TMTC1: variants seen among roughly 807,000 people sequenced by gnomAD.
TMTC1 encodes transmembrane O-mannosyltransferase targeting cadherins 1.
In TMTC1, 73 loss-of-function variants were observed where a neutral mutation model predicts 104.8. The observed-to-expected ratio is 0.70, with a 90% CI of 0.58 to 0.85. The LOEUF (loss-of-function observed/expected upper bound fraction) is 0.85, where lower values mean the gene tolerates loss of function less well. Among genes scored for constraint, TMTC1 ranks in the 40% least tolerant of loss-of-function variants. TMTC1 has a pLI of 0.00. For synonymous variants in TMTC1, 434 were observed against 428.7 expected (o/e 1.01, Z -0.15); for missense variants, 1,035 against 1,096.1 (o/e 0.94, Z 0.79).
intron 5 of TMTC1, among the ~76,000 whole-genome samples, chr12:29,672,558 C>A (rs539834990): frequency 6.7e-6 from 1 of 150,106 alleles, no homozygotes; most frequent in Admixed American, 6.6e-5. Context: ...CAATTTAGGG[C>A]AGAGAGAGGA....
chr12:29,535,569 G>C (rs1293380686), intron 11 of TMTC1: 1 of 152,162 alleles, frequency 6.6e-6, no homozygotes, highest in Non-Finnish European at 1.5e-5. Flanking sequence ...TAATTTTATG[G>C]TAGCAGAATC....
intron 5 of TMTC1, among the ~76,000 whole-genome samples, chr12:29,722,547 A>C (rs1404544148): frequency 6.6e-6 from 1 of 152,218 alleles, no homozygotes; most frequent in Non-Finnish European, 1.5e-5. Flanking sequence ...TATAAAGGTT[A>C]AAAAGAAAGA....
At position 29,506,743 on chromosome 12, in the gene TMTC1, A is replaced by G; in HGVS notation, c.*103T>C. 7.0e-7 allele frequency: 1 copy of G among 1,429,516 alleles called. No individual in the cohort carries two copies. The highest frequency in any genetic ancestry group is 9.7e-7 in the Non-Finnish European group (1 of 1,026,486). The allele number at this position is 1,429,516 out of a possible 1,614,324, so 88.6% of individuals were successfully genotyped here. A position where few individuals can be genotyped will look rare whatever the true frequency, so the allele number is the denominator to read the frequency against. ...TGTCACCCTGAACTCGGAATGAGAG[A>G]AAATCTCATTAGTTGTGCCCCTGCT... On this transcript the variant is annotated 3_prime_UTR_variant, in exon 18 of 18. Coordinates refer to ENST00000539277, the MANE Select transcript of TMTC1 (RefSeq NM_001193451.2).
rs1475714128 is a variant in TMTC1 at position 29,530,052 on chromosome 12, CT to C, written c.1785+6156del. The stretch of plus-strand genomic sequence containing the variant: ...CACATTTGCATATAATTGCAGCTTC[CT>C]GATACTTTAGACTTTTCTCATGCCA... On this transcript the variant is annotated intron_variant, in intron 11 of 17. Coordinates refer to ENST00000539277, the MANE Select transcript of TMTC1 (RefSeq NM_001193451.2). 4 of 152,310 alleles carry C rather than the reference CT, an allele frequency of 2.6e-5. No homozygotes were observed. In the East Asian group the frequency reaches 7.7e-4, roughly 29 times the overall value. 9.4% of individuals were successfully genotyped at this position (152,310 alleles called of 1,614,324 possible). A position where few individuals can be genotyped will look rare whatever the true frequency, so the allele number is the denominator to read the frequency against.
intron 7 of TMTC1, among the ~76,000 whole-genome samples, chr12:29,590,097 A>T (rs945457912): frequency 6.6e-6 from 1 of 152,092 alleles, no homozygotes; most frequent in Non-Finnish European, 1.5e-5. Context: ...CATCCACACC[A>T]TGTAAACAAA....
intron 11 of TMTC1, among the ~76,000 whole-genome samples, chr12:29,523,095 C>T (rs745347312): frequency 3.9e-5 from 6 of 152,320 alleles, no homozygotes; most frequent in Non-Finnish European, 5.9e-5. Flanking sequence ...TAAACAGTTA[C>T]ACTTTTGGGT....
intron 5 of TMTC1, among the ~76,000 whole-genome samples, chr12:29,678,870 T>C (rs763729175): frequency 1.1e-4 from 16 of 152,102 alleles, no homozygotes; most frequent in Non-Finnish European, 2.2e-4. Flanking sequence ...ATCATGGACT[T>C]CCCATGGGAG....
chr12:29,545,641 A>T (rs1295882645), intron 10 of TMTC1, among the ~76,000 whole-genome samples: 22 of 117,018 alleles, frequency 1.9e-4, no homozygotes, highest in South Asian at 1.1e-3. Flanking sequence ...ACACACACAC[A>T]CACACACACA....
At chr12:29,715,300 A>G (rs1459478868) in intron 5 of TMTC1, among the ~76,000 whole-genome samples, 2 of 152,184 alleles carry the variant, frequency 1.3e-5, no homozygotes, top group African/African-American at 2.4e-5. Context: ...GATTTTTGCT[A>G]TAACAAGACT....
rs1013402040 is a variant in TMTC1 at position 29,505,334 on chromosome 12, G to C, written c.*1512C>G. The C allele has an allele frequency of 6.6e-6, 1 of 152,148 alleles. No individual in the cohort carries two copies. Among genetic ancestry groups the C allele is most frequent in the Non-Finnish European group, 1.5e-5 (1 of 68,036 alleles). The allele number at this position is 152,148 out of a possible 1,614,324, so 9.4% of individuals were successfully genotyped here. ...CTGGCTCAGCACTATAAACAGTACT[G>C]CCTGGAGTGTTTTGGTTTTGTCTCT... On this transcript the variant is annotated 3_prime_UTR_variant, in exon 18 of 18. Transcript: ENST00000539277.
At chr12:29,738,547 A>C (rs1942742406) in intron 5 of TMTC1, among the ~76,000 whole-genome samples, 1 of 152,228 alleles carries the variant, frequency 6.6e-6, no homozygotes, top group African/African-American at 2.4e-5. Flanking sequence ...AGCCAGAAAA[A>C]GATATTTACT....
rs1357272822 is a variant in TMTC1, at chr12:29,536,292, T to C, written c.1702A>G (p.Ile568Val). 1 of 1,611,720 alleles carries C rather than the reference T, an allele frequency of 6.2e-7. No homozygotes were observed. The highest frequency in any genetic ancestry group is 8.5e-7 in the Non-Finnish European group (1 of 1,178,976). ...LKSQEKKEEA[I>V]TLLKDSIKYG... ...TTGATGGAATCCTTCAGTAAGGTGA[T>C]AGCTTCTTCCTTTTTCTCCTGGGAC... is the stretch of plus-strand genomic sequence containing the variant. Residue 568 changes from isoleucine to valine, a missense_variant, in exon 11 of 18, where the codon ATC becomes GTC. By Grantham distance (29) the Ile-to-Val change is conservative (BLOSUM62 3). Transcript: ENST00000539277.
chr12:29,775,045 A>C (rs188980229), intron 1 of TMTC1, among the ~76,000 whole-genome samples: 1 of 152,132 alleles, frequency 6.6e-6, no homozygotes, highest in East Asian at 1.9e-4. Flanking sequence ...CAGTTATTAG[A>C]GTAATAACTG....
At chr12:29,631,639 G>A (rs565035974) in intron 6 of TMTC1, among the ~76,000 whole-genome samples, 4 of 152,054 alleles carry the variant, frequency 2.6e-5, no homozygotes, top group Admixed American at 6.5e-5. Context: ...CTGTTTCTTC[G>A]TATATCTAGT....
chr12:29,579,221 T>C (rs935453331), intron 8 of TMTC1, among the ~76,000 whole-genome samples: 1 of 152,148 alleles, frequency 6.6e-6, no homozygotes, highest in Admixed American at 6.5e-5. Context: ...ACTATCACAA[T>C]GTATATATGA....
chr12:29,587,699 GACTATT>G (rs1946176965), intron 7 of TMTC1, among the ~76,000 whole-genome samples: 1 of 152,146 alleles, frequency 6.6e-6, no homozygotes, highest in Non-Finnish European at 1.5e-5. Context: ...CTATATTGGA[GACTATT>G]ACTATCAGAA....
intron 5 of TMTC1, among the ~76,000 whole-genome samples, chr12:29,683,533 CG>C (rs1940990177): frequency 6.6e-6 from 1 of 152,172 alleles, no homozygotes; most frequent in African/African-American, 2.4e-5. Context: ...TGTGTGTCTA[CG>C]TGTGTATACG....
At chr12:29,630,130 T>C (rs1337092094) in intron 6 of TMTC1, among the ~76,000 whole-genome samples, 1 of 152,236 alleles carries the variant, frequency 6.6e-6, no homozygotes, top group Non-Finnish European at 1.5e-5. Context: ...ATTATAATTA[T>C]GCCTTTTTTA....
chr12:29,627,037 G>C (rs1380062356), intron 6 of TMTC1, among the ~76,000 whole-genome samples: 2 of 152,080 alleles, frequency 1.3e-5, no homozygotes, highest in Non-Finnish European at 2.9e-5. Context: ...GGGAGGCGGA[G>C]TTGCAGTGAG....
Sources: allele counts gnomAD v4.1 joint callset (sites outside exome capture counted in the v4.1 genomes callset), GRCh38; gene constraint gnomAD v4.1.1; transcripts MANE v1.5; gene names NCBI Gene and HGNC (gene_info 2026-07-23, HGNC 2026-07-21).